Variants in GNE observed in about 807,000 individuals in gnomAD.
GNE encodes bifunctional UDP-N-acetylglucosamine 2-epimerase/N-acetylmannosamine kinase.
A neutral mutation model predicts 61.8 loss-of-function variants in GNE; 41 were observed. That is an observed-to-expected ratio of 0.66 (90% CI 0.52 to 0.86). GNE has a LOEUF of 0.86. Among genes scored for constraint, GNE ranks in the 40% least tolerant of loss-of-function variants. The pLI is 0.00. For synonymous variants in GNE, 264 were observed against 326.4 expected (o/e 0.81, Z 2.06); for missense variants, 608 against 909.1 (o/e 0.67, Z 4.26).
chr9:36,261,941 A>G (rs1830631778), upstream of GNE, among the ~76,000 whole-genome samples: 6 of 151,534 alleles, frequency 4.0e-5, no homozygotes, highest in Admixed American at 3.9e-4. Flanking sequence ...AAAAAAAAGA[A>G]AGTCACTTGA....
chr9:36,257,511 C>G (rs1232784156), intron 1 of GNE, among the ~76,000 whole-genome samples: 1 of 151,352 alleles, frequency 6.6e-6, no homozygotes, highest in Non-Finnish European at 1.5e-5. Flanking sequence ...AAGCGTAAAA[C>G]TGGGGGGAGG....
chr9:36,240,067 G>A (rs1251360281), intron 3 of GNE, among the ~76,000 whole-genome samples: 1 of 152,006 alleles, frequency 6.6e-6, no homozygotes, highest in Non-Finnish European at 1.5e-5. Flanking sequence ...CTTTCTGGAG[G>A]TGTCCTTAGG....
chr9:36,244,204 A>G (rs1297508200), intron 3 of GNE, among the ~76,000 whole-genome samples: 2 of 152,090 alleles, frequency 1.3e-5, no homozygotes, highest in Non-Finnish European at 2.9e-5. Context: ...GGCTCAAGCA[A>G]TACTCCCACT....
chr9:36,237,280 C>T (rs1169856368), intron 3 of GNE, among the ~76,000 whole-genome samples: 2 of 152,140 alleles, frequency 1.3e-5, no homozygotes, highest in Non-Finnish European at 2.9e-5. Flanking sequence ...CCAAAGCACT[C>T]AAAAAATGTG....
At chr9:36,225,204 G>A (rs1439647800) in intron 7 of GNE, among the ~76,000 whole-genome samples, 2 of 151,890 alleles carry the variant, frequency 1.3e-5, no homozygotes, top group Admixed American at 6.6e-5. Context: ...AGATTACATC[G>A]TTCCTGGTTT....
At chr9:36,242,460 C>T (rs1402614338) in intron 3 of GNE, among the ~76,000 whole-genome samples, 2 of 152,248 alleles carry the variant, frequency 1.3e-5, no homozygotes, top group African/African-American at 2.4e-5. Context: ...CGCTCTGTTG[C>T]CAGATTGGAG....
intron 1 of GNE, chr9:36,276,826 CT>C (rs561021546): frequency 2.1e-5 from 26 of 1,227,250 alleles, no homozygotes; most frequent in South Asian, 4.0e-5. Flanking sequence ...TGTAATTTTC[CT>C]TTTTCCCCCC....
At chr9:36,220,368 A>C (rs1828532654) in intron 9 of GNE, among the ~76,000 whole-genome samples, 1 of 152,096 alleles carries the variant, frequency 6.6e-6, no homozygotes, top group East Asian at 1.9e-4. Flanking sequence ...TCTAACACTG[A>C]AGCAAGAGCC....
At chr9:36,224,857 G>A in intron 7 of GNE, among the ~76,000 whole-genome samples, 1 of 152,150 alleles carries the variant, frequency 6.6e-6, no homozygotes, top group East Asian at 1.9e-4. Flanking sequence ...GCGACAGAGT[G>A]AAACCCTGTC....
intron 1 of GNE, among the ~76,000 whole-genome samples, chr9:36,250,730 G>A (rs932001450): frequency 3.3e-5 from 5 of 152,138 alleles, no homozygotes; most frequent in African/African-American, 1.2e-4. Flanking sequence ...GCCCAGGTTG[G>A]AGTGCAGTGG....
intron 1 of GNE, among the ~76,000 whole-genome samples, chr9:36,256,773 C>T (rs1404479726): frequency 6.6e-6 from 1 of 152,186 alleles, no homozygotes; most frequent in Non-Finnish European, 1.5e-5. Context: ...TTGCTGAGCG[C>T]TTCTGAAGTG....
In GNE at chr9:36,234,045, T is replaced by C. The variant is rs1391543644; in HGVS notation, c.857A>G (p.Gln286Arg). The C allele has an allele frequency of 6.2e-7, 1 of 1,613,870 alleles. No homozygotes were observed. Residue 286 changes from glutamine (Q) to arginine (R), a missense_variant, in exon 5 of 12, where the codon CAG becomes CGG. Physicochemically the swap from Gln to Arg is conservative, Grantham distance 43. Coordinates refer to ENST00000642385, the MANE Select transcript of GNE (RefSeq NM_005476.7). ...FRAVKHVPFDQFIQLVAHAGC... is the reference protein window; with the variant it reads ...FRAVKHVPFDRFIQLVAHAGC... ...AGCATGGGCAACCAACTGTATAAACTGGTCAAATGGGACGTGTTTAACTGC... is the reference window on the plus strand; with the variant it reads ...AGCATGGGCAACCAACTGTATAAACCGGTCAAATGGGACGTGTTTAACTGC...
upstream of GNE, among the ~76,000 whole-genome samples, chr9:36,259,850 G>A (rs540753676): frequency 3.3e-5 from 5 of 151,896 alleles, no homozygotes; most frequent in Admixed American, 1.3e-4. Context: ...TAGTAGAGAC[G>A]GGGGTTTCAC....
chr9:36,222,862 ATT>A lies in GNE; in HGVS notation c.1546_1547del (p.Asn516Ter), dbSNP rs1828665576. On this transcript the variant is annotated frameshift_variant, in exon 9 of 12. Transcript: ENST00000642385. LOFTEE classifies it high-confidence loss of function. ...CCGCCAGGGCAGCACAGTTGCCATC[ATT>A]GTCTACCCACACAGGGAGATGCAAA... The part of the protein sequence containing the change: ...DTLHLPVWVD[N>X]DGNCAALAER... The A allele has an allele frequency of 6.2e-7, 1 of 1,614,050 alleles. No individual in the cohort carries two copies. The highest frequency in any genetic ancestry group is 8.5e-7 in the Non-Finnish European group (1 of 1,179,992).
chr9:36,246,208 T>C lies in GNE; in HGVS notation c.439A>G (p.Arg147Gly). Reference protein sequence around the residue: ...EVSGTIDDSIRHAITKLAHYH... With the variant: ...EVSGTIDDSIGHAITKLAHYH... ...TGAGCCAGTTTTGTTATGGCATGTC[T>C]GATAGAGTCATCAATGGTCCCACTG... is the stretch of plus-strand genomic sequence containing the variant. The change falls in exon 3 of 12, where the codon AGA becomes GGA. Residue 147 changes from arginine (R) to glycine (G), a missense_variant. By Grantham distance (125) the Arg-to-Gly change is moderately radical. Transcript: ENST00000642385. 6.2e-7 allele frequency: 1 copy of C among 1,614,248 alleles called. No individual in the cohort carries two copies. Among genetic ancestry groups the C allele is most frequent in the African/African-American group, 1.3e-5 (1 of 75,072 alleles).
intron 1 of GNE, among the ~76,000 whole-genome samples, chr9:36,251,927 T>A (rs1198550357): frequency 1.3e-5 from 2 of 151,638 alleles, no homozygotes; most frequent in African/African-American, 2.4e-5. Flanking sequence ...ACTTACAATA[T>A]AACGAAACGG....
intron 1 of GNE, chr9:36,264,977 G>C (rs1830723807): frequency 4.3e-6 from 1 of 233,930 alleles, no homozygotes; most frequent in Non-Finnish European, 8.4e-6. Flanking sequence ...TTTGTACCGT[G>C]TTTGTTACCG....
intron 5 of GNE, among the ~76,000 whole-genome samples, chr9:36,231,592 C>G (rs1050401173): frequency 6.6e-6 from 1 of 152,236 alleles, no homozygotes; most frequent in Admixed American, 6.5e-5. Flanking sequence ...AAGGCATCTT[C>G]TCTTTTCCTT....
At chr9:36,255,312 A>G (rs1435219114) in intron 1 of GNE, among the ~76,000 whole-genome samples, 1 of 152,006 alleles carries the variant, frequency 6.6e-6, no homozygotes, top group Non-Finnish European at 1.5e-5. Context: ...GGTTCAATCA[A>G]TTCTCCTGCC....
Sources: gnomAD v4.1 joint callset for allele counts (sites outside exome capture counted in the v4.1 genomes callset) on GRCh38, gnomAD v4.1.1 for gene constraint, MANE v1.5 for transcripts, NCBI Gene and HGNC (gene_info 2026-07-23, HGNC 2026-07-21) for gene names.